NOL4L: variants seen among roughly 807,000 people sequenced by gnomAD.
NOL4L encodes nucleolar protein 4 like.
NOL4L carries 7 observed loss-of-function variants against 64.5 expected under a neutral mutation model. The observed-to-expected ratio is 0.11, with a 90% CI of 0.06 to 0.20. The LOEUF is 0.20. Ranked by LOEUF, NOL4L falls within the 10% of genes least tolerant of loss-of-function variation. The probability of loss-of-function intolerance (pLI) is 1.00; values close to 1 mark genes in which losing one functional copy is unlikely to be tolerated. For synonymous variants in NOL4L, 413 were observed against 401.0 expected, an observed-to-expected ratio of 1.03 and a Z score of -0.36; for missense variants, 680 against 967.1, an observed-to-expected ratio of 0.70 and a Z score of 3.94.
intron 4 of NOL4L, among the ~76,000 whole-genome samples, chr20:32,482,635 A>G (rs2015806651): frequency 1.4e-5 from 2 of 144,700 alleles, no homozygotes. Flanking sequence ...CTCATTAAGG[A>G]AGGCCCCTTC....
At chr20:32,559,295 C>A (rs184312343) in intron 1 of NOL4L, among the ~76,000 whole-genome samples, 2 of 152,312 alleles carry the variant, frequency 1.3e-5, no homozygotes, top group Admixed American at 6.5e-5. Context: ...CTTTCCTTTT[C>A]CTTCTATCCC....
intron 1 of NOL4L, chr20:32,535,802 G>A (rs1276135615): frequency 2.0e-6 from 2 of 985,344 alleles, no homozygotes; most frequent in Non-Finnish European, 2.4e-6. Context: ...GGGCCACAGT[G>A]CCCCCCAGTT....
rs1980813749 is a variant in NOL4L at position 32,585,259 on chromosome 20, A to C, written c.-369T>G. Among the ~76,000 whole-genome samples, 1 of 137,714 alleles carries C rather than the reference A, an allele frequency of 7.3e-6. No homozygotes were observed. The highest frequency in any genetic ancestry group is 1.6e-5 in the Non-Finnish European group (1 of 63,326). The allele number at this position is 137,714 out of a possible 152,430, so 90.3% of individuals were successfully genotyped here. On this transcript the variant is annotated 5_prime_UTR_variant, in exon 1 of 11. Transcript: ENST00000621426. ...AGGCGGGAGGCGGGGAGCGGCCCCGAGCGCTGGGAGCGAGACCGAGCCTGG... is the reference window on the plus strand; with the variant it reads ...AGGCGGGAGGCGGGGAGCGGCCCCGCGCGCTGGGAGCGAGACCGAGCCTGG...
intron 1 of NOL4L, among the ~76,000 whole-genome samples, chr20:32,570,037 T>TA (rs1349248100): frequency 6.6e-6 from 1 of 152,136 alleles, no homozygotes; most frequent in Admixed American, 6.5e-5. Flanking sequence ...GGCCCTGAGC[T>TA]AAGTCTCTTA....
chr20:32,494,254 A>T, intron 4 of NOL4L, among the ~76,000 whole-genome samples: 1 of 34,362 alleles, frequency 2.9e-5, no homozygotes, highest in East Asian at 7.9e-3. Flanking sequence ...TAATCTCGGG[A>T]AAAAAAAAAA....
In NOL4L at chr20:32,444,023, G is replaced by C. The variant is rs2012233318; in HGVS notation, c.*3573C>G. The C allele has an allele frequency of 6.6e-6, 1 of 152,198 alleles. No homozygotes were observed. The highest frequency in any genetic ancestry group is 1.5e-5 in the Non-Finnish European group (1 of 68,036). 9.4% of individuals were successfully genotyped at this position (152,198 alleles called of 1,614,324 possible). On this transcript the variant is annotated 3_prime_UTR_variant, in exon 11 of 11. Coordinates refer to ENST00000621426, the MANE Select transcript of NOL4L (RefSeq NM_001256798.2). ...GTGGAAACGTAGGTAAAAAGTGAGA[G>C]GTTTTTGTTTGTGGCTTTGCTAAGC... is the stretch of plus-strand genomic sequence containing the variant.
At chr20:32,494,772 C>T (rs1215981554) in intron 4 of NOL4L, among the ~76,000 whole-genome samples, 2 of 152,246 alleles carry the variant, frequency 1.3e-5, no homozygotes, top group Non-Finnish European at 2.9e-5. Flanking sequence ...AGGCAACTTG[C>T]AACCATGAGG....
intron 1 of NOL4L, among the ~76,000 whole-genome samples, chr20:32,579,256 G>GCA (rs372742432): frequency 6.6e-6 from 1 of 152,048 alleles, no homozygotes; most frequent in Non-Finnish European, 1.5e-5. Context: ...CACACTCCAC[G>GCA]CACACACACA....
At position 32,584,732 on chromosome 20, in the gene NOL4L, G is replaced by T; in HGVS notation, c.159C>A (p.Ala53=). 1 of 1,547,954 alleles carries T rather than the reference G, an allele frequency of 6.5e-7. No individual in the cohort carries two copies. Residue 53 remains alanine, a synonymous_variant, in exon 1 of 11, where the codon GCC becomes GCA. Coordinates refer to ENST00000621426, the MANE Select transcript of NOL4L (RefSeq NM_001256798.2). The part of the protein sequence containing the change: ...TVTRSKYQRI[A]EVLQGGGGTG... ...TCCCGCCGCCGCCCTGCAGGACCTC[G>T]GCGATCCGCTGGTATTTGCTGCGTG...
chr20:32,530,048 C>T (rs1039619392), intron 1 of NOL4L, among the ~76,000 whole-genome samples: 9 of 152,116 alleles, frequency 5.9e-5, no homozygotes, highest in Non-Finnish European at 8.8e-5. Flanking sequence ...ACTATTGACC[C>T]GTAAATGCCC....
chr20:32,545,005 C>T (rs1442886004), intron 1 of NOL4L, among the ~76,000 whole-genome samples: 1 of 151,860 alleles, frequency 6.6e-6, no homozygotes, highest in Non-Finnish European at 1.5e-5. Context: ...AGTGTGACTC[C>T]AGACCCACAC....
intron 1 of NOL4L, among the ~76,000 whole-genome samples, chr20:32,579,677 G>A (rs1980345712): frequency 6.6e-6 from 1 of 152,164 alleles, no homozygotes. Context: ...GGACTTAGAG[G>A]GGAGGCCCCA....
chr20:32,467,515 C>T (rs2014656880), intron 5 of NOL4L, among the ~76,000 whole-genome samples: 1 of 152,144 alleles, frequency 6.6e-6, no homozygotes. Flanking sequence ...AGGTAAGCTG[C>T]AGTCAGGGTC....
intron 5 of NOL4L, among the ~76,000 whole-genome samples, chr20:32,459,084 A>G (rs1324979852): frequency 6.6e-6 from 1 of 152,094 alleles, no homozygotes; most frequent in Non-Finnish European, 1.5e-5. Context: ...CTCAGATGCC[A>G]CCCTGGTCTG....
At chr20:32,562,633 G>A (rs1424939676) in intron 1 of NOL4L, among the ~76,000 whole-genome samples, 2 of 152,012 alleles carry the variant, frequency 1.3e-5, no homozygotes, top group Non-Finnish European at 2.9e-5. Context: ...GTAGCCCTGG[G>A]AGATCTCCTC....
At chr20:32,509,929 C>T (rs1325212621) in intron 4 of NOL4L, 1 of 1,304,216 alleles carries the variant, frequency 7.7e-7, no homozygotes, top group South Asian at 1.2e-5. Flanking sequence ...GTGCCGGAGA[C>T]AGTGAGGATG....
chr20:32,569,191 C>G (rs1203804028), intron 1 of NOL4L, among the ~76,000 whole-genome samples: 1 of 152,080 alleles, frequency 6.6e-6, no homozygotes, highest in Non-Finnish European at 1.5e-5. Flanking sequence ...GAGGGCCTCC[C>G]TGAGGAGGTG....
At chr20:32,543,959 G>A (rs1327843421) in intron 1 of NOL4L, among the ~76,000 whole-genome samples, 3 of 152,174 alleles carry the variant, frequency 2.0e-5, no homozygotes, top group African/African-American at 7.2e-5. Flanking sequence ...CCAACAGCCT[G>A]TGCAAAGGTC....
intron 1 of NOL4L, among the ~76,000 whole-genome samples, chr20:32,567,617 C>A (rs1409656658): frequency 1.3e-5 from 2 of 152,210 alleles, no homozygotes; most frequent in African/African-American, 4.8e-5. Context: ...TAGCTGGGAG[C>A]AGCTGCTGGT....
Sources: gnomAD v4.1 joint callset for allele counts (sites outside exome capture counted in the v4.1 genomes callset) on GRCh38, gnomAD v4.1.1 for gene constraint, MANE v1.5 for transcripts, NCBI Gene and HGNC (gene_info 2026-07-23, HGNC 2026-07-21) for gene names.